CDHR3: variants seen among roughly 807,000 people sequenced by gnomAD.
The protein encoded by CDHR3 is cadherin related family member 3, also known as cadherin-related family member 3.
CDHR3 carries 79 observed loss-of-function variants against 86.6 expected under a neutral mutation model. The observed-to-expected ratio is 0.91, with a 90% CI of 0.76 to 1.10. The LOEUF (loss-of-function observed/expected upper bound fraction) is 1.10. Among genes scored for constraint, CDHR3 ranks in the 50% least tolerant of loss-of-function variants. The pLI is 0.00. For synonymous variants in CDHR3, 421 were observed against 402.4 expected (o/e 1.05, Z -0.55); for missense variants, 1,081 against 1,077.6 (o/e 1.00, Z -0.04).
At chr7:106,014,085 C>G (rs1196180924) in intron 9 of CDHR3, among the ~76,000 whole-genome samples, 1 of 152,140 alleles carries the variant, frequency 6.6e-6, no homozygotes, top group Non-Finnish European at 1.5e-5. Context: ...TTCAGCCTCC[C>G]TAGCAGCTGG....
At position 106,032,879 on chromosome 7, in the gene CDHR3, G is replaced by T; in HGVS notation, c.*182G>T. The T allele has an allele frequency of 1.7e-6, 1 of 596,526 alleles. No homozygotes were observed. The highest frequency in any genetic ancestry group is 2.9e-6 in the Non-Finnish European group (1 of 342,708). 37.0% of individuals were successfully genotyped at this position (596,526 alleles called of 1,614,324 possible). ...TAGAAAGGGGTTTGATCACATAGTT[G>T]CGTGTTCTGAAATGATACAGGAACA... On this transcript the variant is annotated 3_prime_UTR_variant, in exon 19 of 19. Coordinates refer to ENST00000317716, the MANE Select transcript of CDHR3 (RefSeq NM_152750.5).
intron 4 of CDHR3, among the ~76,000 whole-genome samples, chr7:105,987,568 C>A (rs1830705969): frequency 6.6e-6 from 1 of 152,156 alleles, no homozygotes; most frequent in Admixed American, 6.5e-5. Flanking sequence ...TTGCTACTGA[C>A]CAACCTGTGC....
intron 9 of CDHR3, 81 bp from the exon 10 acceptor site, chr7:106,015,030 G>A: frequency 1.8e-6 from 2 of 1,106,394 alleles, no homozygotes; most frequent in South Asian, 2.9e-5. Flanking sequence ...ATATCCACTA[G>A]CAGTATATGA....
At chr7:106,010,028 A>G (rs1834555772) in intron 8 of CDHR3, among the ~76,000 whole-genome samples, 1 of 152,162 alleles carries the variant, frequency 6.6e-6, no homozygotes, top group Non-Finnish European at 1.5e-5. Flanking sequence ...GTCAGGGACG[A>G]ATGAGAGAAC....
intron 6 of CDHR3, 69 bp from the exon 7 acceptor site, chr7:106,001,393 A>T (rs1833147347): frequency 3.2e-6 from 5 of 1,571,936 alleles, no homozygotes; most frequent in Non-Finnish European, 3.5e-6. Flanking sequence ...TAACCAAAAT[A>T]CCAATCGCCT....
At chr7:105,984,428 G>A (rs1830231074) in intron 4 of CDHR3, 139 bp downstream of exon 4, 1 of 523,068 alleles carries the variant, frequency 1.9e-6, no homozygotes, top group African/African-American at 1.9e-5. Flanking sequence ...CACAGTGTAT[G>A]CAGGATGGTT....
Position 106,032,784 on chromosome 7 carries a change from G to A in CDHR3, c.*87G>A. The stretch of plus-strand genomic sequence containing the variant: ...GATGGTGTGGGCATGGTGTAGGGGG[G>A]AAAATGTGGGCTGAGGGGATTCAGA... On this transcript the variant is annotated 3_prime_UTR_variant, in exon 19 of 19. Transcript: ENST00000317716. 1 of 1,366,582 alleles carries A rather than the reference G, an allele frequency of 7.3e-7. No individual in the cohort carries two copies. The highest frequency in any genetic ancestry group is 9.8e-7 in the Non-Finnish European group (1 of 1,016,300). The allele number at this position is 1,366,582 out of a possible 1,614,324, so 84.7% of individuals were successfully genotyped here.
At chr7:106,001,106 C>T (rs17152466) in intron 6 of CDHR3, among the ~76,000 whole-genome samples, 2,262 of 152,172 alleles carry the variant, frequency 0.015, 58 homozygotes, top group African/African-American at 0.05. Flanking sequence ...CTGCACAAAA[C>T]GTGGGAAAAT....
intron 14 of CDHR3, among the ~76,000 whole-genome samples, chr7:106,023,612 A>G (rs149293123): frequency 5.3e-5 from 8 of 152,286 alleles, no homozygotes; most frequent in African/African-American, 1.7e-4. Flanking sequence ...TACCTGCAGC[A>G]TGCCAGAAGG....
intron 8 of CDHR3, among the ~76,000 whole-genome samples, chr7:106,010,910 A>G (rs1196781014): frequency 6.6e-6 from 1 of 152,232 alleles, no homozygotes; most frequent in Non-Finnish European, 1.5e-5. Flanking sequence ...GTGTTCAGCT[A>G]GGGCATTGGG....
At chr7:106,015,302 TC>T (rs1261666134) in intron 10 of CDHR3, 89 bp downstream of exon 10, 14 of 1,148,768 alleles carry the variant, frequency 1.2e-5, no homozygotes, top group South Asian at 5.4e-5. Context: ...TTGTGCTAGG[TC>T]CCCCTTCTCA....
At chr7:105,968,257 G>T (rs189606688) in intron 1 of CDHR3, among the ~76,000 whole-genome samples, 33 of 152,322 alleles carry the variant, frequency 2.2e-4, no homozygotes, top group African/African-American at 7.5e-4. Context: ...ATATATTGTG[G>T]AAATTAAAGA....
At chr7:105,991,007 C>T (rs768292252) in intron 4 of CDHR3, among the ~76,000 whole-genome samples, 4 of 152,174 alleles carry the variant, frequency 2.6e-5, no homozygotes, top group Non-Finnish European at 5.9e-5. Context: ...ATAGAGAAAC[C>T]TGGGGTGGTG....
Position 105,971,535 on chromosome 7 carries a change from A to G in CDHR3, c.47-3309A>G, listed in dbSNP as rs563096318. 3.9e-5 allele frequency among the ~76,000 whole-genome samples: 6 copies of G among 152,356 alleles called. No individual in the cohort carries two copies. In the East Asian group the frequency reaches 1.2e-3, roughly 29 times the overall value. On this transcript the variant is annotated intron_variant, in intron 1 of 18. Transcript: ENST00000317716. ...ATCATGGAGCTGTCCTTGGAGTCAGATGCCTAGGATTGGAATGCTGGATCT... is the reference window on the plus strand; with the variant it reads ...ATCATGGAGCTGTCCTTGGAGTCAGGTGCCTAGGATTGGAATGCTGGATCT...
At chr7:106,032,343 G>A in intron 18 of CDHR3, 50 bp from the exon 19 acceptor site, 1 of 1,524,896 alleles carries the variant, frequency 6.6e-7, no homozygotes, top group South Asian at 1.3e-5. Flanking sequence ...GGAAGAGACA[G>A]TCATTGGAAT....
intron 1 of CDHR3, among the ~76,000 whole-genome samples, 200 bp from the exon 2 acceptor site, chr7:105,974,644 G>A (rs962255759): frequency 6.6e-6 from 1 of 152,088 alleles, no homozygotes; most frequent in African/African-American, 2.4e-5. Flanking sequence ...TTGGTTGTTT[G>A]GTGGTGGTTG....
chr7:105,969,986 C>A (rs1400326294), intron 1 of CDHR3, among the ~76,000 whole-genome samples: 1 of 152,074 alleles, frequency 6.6e-6, no homozygotes, highest in African/African-American at 2.4e-5. Flanking sequence ...CAAGCAGTGG[C>A]AAAGCTAAGA....
intron 17 of CDHR3, among the ~76,000 whole-genome samples, chr7:106,029,637 C>T (rs1431834413): frequency 2.0e-5 from 3 of 151,612 alleles, no homozygotes. Context: ...AAGGTGGCTC[C>T]CTCCAGCTCT....
chr7:106,001,640 A>G (rs10229260), intron 7 of CDHR3, 30 bp downstream of exon 7: 1 of 1,612,080 alleles, frequency 6.2e-7, no homozygotes, highest in Admixed American at 1.7e-5. Flanking sequence ...CCTTAAGTGC[A>G]TCCTCTAATT....
Sources: gnomAD v4.1 joint callset for allele counts (sites outside exome capture counted in the v4.1 genomes callset) on GRCh38, gnomAD v4.1.1 for gene constraint, MANE v1.5 for transcripts, NCBI Gene and HGNC (gene_info 2026-07-23, HGNC 2026-07-21) for gene names.